Variants in PARD3 observed in about 807,000 individuals in gnomAD.
PARD3 encodes partitioning defective 3 homolog.
Under a neutral mutation model 155.4 loss-of-function variants are expected in PARD3, and 75 were observed. That is an observed-to-expected ratio of 0.48 (90% CI 0.40 to 0.58). PARD3 has a LOEUF of 0.58. Among genes scored for constraint, PARD3 ranks in the 20% least tolerant of loss-of-function variants. The probability of loss-of-function intolerance (pLI) is 0.00; values close to 1 mark genes in which losing one functional copy is unlikely to be tolerated. For missense variants in PARD3, 1,642 were observed against 1,721.7 expected, an observed-to-expected ratio of 0.95 and a Z score of 0.82; for synonymous variants, 576 against 610.5, an observed-to-expected ratio of 0.94 and a Z score of 0.83.
intron 23 of PARD3, among the ~76,000 whole-genome samples, chr10:34,125,271 T>G (rs2132721413): frequency 6.6e-6 from 1 of 152,226 alleles, no homozygotes; most frequent in South Asian, 2.1e-4. Flanking sequence ...TTCACCATGT[T>G]GGCCAGGCTG....
At chr10:34,413,296 G>C (rs1246980928) in intron 5 of PARD3, among the ~76,000 whole-genome samples, 1 of 152,066 alleles carries the variant, frequency 6.6e-6, no homozygotes, top group Non-Finnish European at 1.5e-5. Context: ...TCCAGAGCAT[G>C]GATGTGTTTA....
At chr10:34,709,076 C>T (rs1045681342) in intron 1 of PARD3, among the ~76,000 whole-genome samples, 3 of 152,050 alleles carry the variant, frequency 2.0e-5, no homozygotes, top group Non-Finnish European at 2.9e-5. Context: ...GAACCCCTAA[C>T]CCAAAATGCT....
chr10:34,359,095 A>T, intron 14 of PARD3, 52 bp downstream of exon 14: 1 of 1,460,434 alleles, frequency 6.8e-7, no homozygotes, highest in Non-Finnish European at 9.5e-7. Context: ...ATTAGGACAG[A>T]AATGTAGTTT....
intron 7 of PARD3, among the ~76,000 whole-genome samples, chr10:34,390,878 G>A (rs765397462): frequency 4.6e-5 from 7 of 152,046 alleles, no homozygotes; most frequent in Admixed American, 3.9e-4. Flanking sequence ...CACTTTTAAC[G>A]TTTAAAACTG....
At chr10:34,677,411 T>C (rs1386891054) in intron 2 of PARD3, among the ~76,000 whole-genome samples, 1 of 151,368 alleles carries the variant, frequency 6.6e-6, no homozygotes, top group South Asian at 2.1e-4. Context: ...GCCCAGGAGA[T>C]TGAGACTACC....
intron 20 of PARD3, among the ~76,000 whole-genome samples, chr10:34,284,848 T>C (rs986203007): frequency 1.3e-5 from 2 of 152,194 alleles, no homozygotes; most frequent in African/African-American, 4.8e-5. Flanking sequence ...TAAAAAGCAA[T>C]TGCTGAATGT....
At chr10:34,356,084 T>C (rs147877691) in intron 14 of PARD3, among the ~76,000 whole-genome samples, 314 of 151,798 alleles carry the variant, frequency 2.1e-3, no homozygotes, top group Non-Finnish European at 3.2e-3. Context: ...AGAGAGTACA[T>C]AGGAGACACT....
chr10:34,280,872 T>G (rs1450219577), intron 21 of PARD3, among the ~76,000 whole-genome samples: 1 of 152,182 alleles, frequency 6.6e-6, no homozygotes, highest in Non-Finnish European at 1.5e-5. Flanking sequence ...GCACATGAAC[T>G]TGGTAGAATT....
chr10:34,235,300 G>A (rs1168284663), intron 22 of PARD3, among the ~76,000 whole-genome samples: 1 of 152,192 alleles, frequency 6.6e-6, no homozygotes, highest in African/African-American at 2.4e-5. Flanking sequence ...TGTCAGGGCT[G>A]AAGCATCGGA....
rs187949841 is a variant in PARD3, at chr10:34,259,718, A to G, written c.3419+9939T>C. Among the ~76,000 whole-genome samples, 91 of 152,372 alleles carry G rather than the reference A, an allele frequency of 6.0e-4. 2 individuals are homozygous for G. The East Asian group carries it at 0.012, about 20-fold the overall frequency. On this transcript the variant is annotated intron_variant, in intron 22 of 24. Transcript: ENST00000374788. The stretch of plus-strand genomic sequence containing the variant: ...TGGGAGAGAAGATATGGCAATCTAC[A>G]TCAAATGTATTAATAATCCTTCAAG...
Position 34,746,622 on chromosome 10 carries a change from T to C in PARD3, c.121-50203A>G, listed in dbSNP as rs1179223681. Among the ~76,000 whole-genome samples the C allele has an allele frequency of 2.0e-5, 3 of 151,498 alleles. No homozygotes were observed. In the East Asian group the frequency reaches 5.8e-4, roughly 29 times the overall value. On this transcript the variant is annotated intron_variant, in intron 1 of 24. Coordinates refer to ENST00000374788, the MANE Select transcript of PARD3 (RefSeq NM_001184785.2). ...TAGAAATAATCACAAGCATCTGTAA[T>C]GAAAATTGTCAACTTCACTGATTTC... is the stretch of plus-strand genomic sequence containing the variant.
chr10:34,455,370 A>G (rs924973271), intron 4 of PARD3, among the ~76,000 whole-genome samples: 2 of 152,166 alleles, frequency 1.3e-5, no homozygotes, highest in African/African-American at 4.8e-5. Context: ...CAATTATGGT[A>G]AAAGAGAATT....
intron 1 of PARD3, among the ~76,000 whole-genome samples, chr10:34,727,197 C>A (rs2094729696): frequency 6.6e-6 from 1 of 152,124 alleles, no homozygotes; most frequent in African/African-American, 2.4e-5. Context: ...GGGAGCCAGG[C>A]AGGTAAATGA....
chr10:34,766,602 A>T (rs1022826167), intron 1 of PARD3, among the ~76,000 whole-genome samples: 2 of 145,234 alleles, frequency 1.4e-5, no homozygotes, highest in South Asian at 2.4e-4. Context: ...TAATATTTTT[A>T]AAATACTTAA....
At chr10:34,440,847 G>T (rs111481599) in intron 5 of PARD3, among the ~76,000 whole-genome samples, 5 of 151,982 alleles carry the variant, frequency 3.3e-5, no homozygotes, top group African/African-American at 1.2e-4. Context: ...CCTAGCAAGT[G>T]GTCAAGCAGA....
intron 1 of PARD3, among the ~76,000 whole-genome samples, chr10:34,791,872 C>T (rs1341981482): frequency 1.3e-5 from 2 of 151,968 alleles, no homozygotes; most frequent in East Asian, 3.9e-4. Context: ...CAGGACACTG[C>T]CTGAGACCCT....
In PARD3 at chr10:34,449,757, G is replaced by A. The variant is rs116976076; in HGVS notation, c.714+560C>T. Reference sequence around the variant, plus strand: ...GAGTGGTAAACAATTCTGATTTCACGAATTGTAGGTGGCTGCACTGCACAG... The same window carrying A: ...GAGTGGTAAACAATTCTGATTTCACAAATTGTAGGTGGCTGCACTGCACAG... On this transcript the variant is annotated intron_variant, in intron 5 of 24. Transcript: ENST00000374788. Among the ~76,000 whole-genome samples the A allele has an allele frequency of 2.0e-3, 311 of 152,268 alleles. 3 individuals carry two copies. Among genetic ancestry groups the A allele is most frequent in the South Asian group, 4.1e-3 (20 of 4,824 alleles).
chr10:34,159,138 A>C (rs1949151690), intron 22 of PARD3, among the ~76,000 whole-genome samples: 1 of 152,228 alleles, frequency 6.6e-6, no homozygotes. Flanking sequence ...CTGTACAAAC[A>C]GTTGCATATT....
intron 6 of PARD3, 127 bp downstream of exon 6, chr10:34,401,699 A>G: frequency 1.4e-6 from 1 of 726,130 alleles, no homozygotes; most frequent in South Asian, 1.5e-5. Context: ...TAGAAAAACA[A>G]ATCAATGCAC....
Sources: gnomAD v4.1 joint callset for allele counts (sites outside exome capture counted in the v4.1 genomes callset) on GRCh38, gnomAD v4.1.1 for gene constraint, MANE v1.5 for transcripts, NCBI Gene and HGNC (gene_info 2026-07-23, HGNC 2026-07-21) for gene names.